Variants in CHLSN observed in about 807,000 individuals in gnomAD.
The protein encoded by CHLSN is protein cholesin.
the CHLSN span, among the ~76,000 whole-genome samples, chr7:1,075,125 C>A: frequency 6.6e-6 from 1 of 152,202 alleles, no homozygotes; most frequent in African/African-American, 2.4e-5. Context: ...CACAACCCGT[C>A]CTCTGGCCTC....
At chr7:1,004,481 AC>A in the CHLSN span, among the ~76,000 whole-genome samples, 2 of 120,672 alleles carry the variant, frequency 1.7e-5, no homozygotes, top group Admixed American at 7.7e-5. Context: ...CTGCTGGCCC[AC>A]GGCACTGCTG....
At chr7:1,030,707 GGGACTCT>G in the CHLSN span, among the ~76,000 whole-genome samples, 1 of 151,126 alleles carries the variant, frequency 6.6e-6, no homozygotes, top group East Asian at 1.9e-4. Flanking sequence ...CAGGCAGGCG[GGGACTCT>G]CTCTCTCCCG....
chr7:987,291 G>T, the CHLSN span: 5 of 1,509,850 alleles, frequency 3.3e-6, no homozygotes, highest in East Asian at 1.2e-4. Context: ...GCCCCCGGGG[G>T]ACCCCCAGGG....
chr7:994,327 A>AT, the CHLSN span, among the ~76,000 whole-genome samples: 2 of 151,068 alleles, frequency 1.3e-5, no homozygotes, highest in Non-Finnish European at 2.9e-5. Flanking sequence ...CACCCAGCTA[A>AT]TTTTTGTATT....
the CHLSN span, among the ~76,000 whole-genome samples, chr7:1,019,585 G>A: frequency 6.6e-6 from 1 of 152,264 alleles, no homozygotes; most frequent in Non-Finnish European, 1.5e-5. Context: ...ACAGAGCGGA[G>A]GTGGCCGTGG....
At chr7:1,113,437 C>G in the CHLSN span, among the ~76,000 whole-genome samples, 1 of 152,160 alleles carries the variant, frequency 6.6e-6, no homozygotes, top group Non-Finnish European at 1.5e-5. Flanking sequence ...TGTTCCTGTT[C>G]GGAGCAGGTG....
the CHLSN span, among the ~76,000 whole-genome samples, chr7:1,016,115 A>T: frequency 3.2e-5 from 2 of 62,226 alleles, no homozygotes; most frequent in South Asian, 7.9e-4. Flanking sequence ...AGCAGCGCAC[A>T]GCAGCACACA....
chr7:1,127,393 C>A, the CHLSN span: 1 of 1,595,200 alleles, frequency 6.3e-7, no homozygotes, highest in Admixed American at 1.8e-5. Context: ...CATCCTGCAA[C>A]AGAGAAAGTA....
chr7:983,536 C>A, the CHLSN span: 1 of 749,596 alleles, frequency 1.3e-6, no homozygotes, highest in Non-Finnish European at 1.9e-6. Context: ...GCCCACCCTG[C>A]TTTTGGGAGG....
the CHLSN span, among the ~76,000 whole-genome samples, chr7:1,036,072 G>A: frequency 6.6e-6 from 1 of 152,236 alleles, no homozygotes; most frequent in Non-Finnish European, 1.5e-5. Flanking sequence ...GCACCATGGA[G>A]CCAGGAAAGG....
chr7:981,393 C>T, the CHLSN span, among the ~76,000 whole-genome samples: 6 of 152,114 alleles, frequency 3.9e-5, no homozygotes, highest in Non-Finnish European at 7.4e-5. Flanking sequence ...ACAGTAGGAT[C>T]GCTTGAGCCC....
chr7:1,126,796 G>A, the CHLSN span, among the ~76,000 whole-genome samples: 111 of 152,230 alleles, frequency 7.3e-4, no homozygotes, highest in Non-Finnish European at 1.2e-3. Flanking sequence ...ACACCGTTTA[G>A]AAAGTGATAC....
At chr7:1,066,870 C>A in the CHLSN span, among the ~76,000 whole-genome samples, 1 of 116,104 alleles carries the variant, frequency 8.6e-6, no homozygotes, top group Non-Finnish European at 2.1e-5. Context: ...CAGGAGTACA[C>A]CCCAGAGGTG....
At chr7:1,087,213 T>C in the CHLSN span, 1 of 152,104 alleles carries the variant, frequency 6.6e-6, no homozygotes, top group Non-Finnish European at 1.5e-5. Flanking sequence ...GCGGCCCTGG[T>C]GGGGAAGAGG....
At chr7:1,104,729 T>C in the CHLSN span, among the ~76,000 whole-genome samples, 1 of 152,186 alleles carries the variant, frequency 6.6e-6, no homozygotes, top group African/African-American at 2.4e-5. Flanking sequence ...TTCCCAGCTG[T>C]GAATGCTCCA....
the CHLSN span, chr7:1,127,350 T>C: frequency 6.2e-7 from 1 of 1,608,620 alleles, no homozygotes; most frequent in Non-Finnish European, 8.5e-7. Flanking sequence ...TCTTTTTCTC[T>C]GTCACTTCAG....
At chr7:1,099,534 A>G in the CHLSN span, among the ~76,000 whole-genome samples, 1 of 152,236 alleles carries the variant, frequency 6.6e-6, no homozygotes, top group Admixed American at 6.5e-5. Context: ...GTCGAGCTTT[A>G]CTTTTCTTCT....
At chr7:996,389 G>A in the CHLSN span, among the ~76,000 whole-genome samples, 1 of 152,262 alleles carries the variant, frequency 6.6e-6, no homozygotes, top group Non-Finnish European at 1.5e-5. Flanking sequence ...CAGGGCCTGA[G>A]CCAGCGTCCC....
At chr7:1,113,592 G>A in the CHLSN span, among the ~76,000 whole-genome samples, 2 of 152,148 alleles carry the variant, frequency 1.3e-5, no homozygotes, top group South Asian at 2.1e-4. Flanking sequence ...GCAGGGACTC[G>A]GAGCTCATCT....
Sources: allele counts gnomAD v4.1 joint callset (sites outside exome capture counted in the v4.1 genomes callset), GRCh38; gene constraint gnomAD v4.1.1; transcripts MANE v1.5; gene names NCBI Gene and HGNC (gene_info 2026-07-23, HGNC 2026-07-21).